Variants in PCMT1 observed in about 807,000 individuals in gnomAD.
PCMT1 encodes protein-L-isoaspartate (D-aspartate) O-methyltransferase.
Under a neutral mutation model 29.2 loss-of-function variants are expected in PCMT1, and 9 were observed. That is an observed-to-expected ratio of 0.31 (90% confidence interval 0.19 to 0.54). PCMT1 has a LOEUF of 0.54. Ranked by LOEUF, PCMT1 falls within the 20% of genes least tolerant of loss-of-function variation. PCMT1 has a pLI of 0.95. For missense variants in PCMT1, 184 were observed against 282.2 expected (o/e 0.65, Z 2.49); for synonymous variants, 98 against 97.5 (o/e 1.00, Z -0.03).
At chr6:149,759,090 T>C (rs939108990) in intron 1 of PCMT1, among the ~76,000 whole-genome samples, 4 of 152,174 alleles carry the variant, frequency 2.6e-5, no homozygotes, top group African/African-American at 9.7e-5. Context: ...TTGGCCAGGA[T>C]GGTCTCAATC....
At chr6:149,764,049 C>A (rs1308852515) in intron 1 of PCMT1, among the ~76,000 whole-genome samples, 1 of 152,182 alleles carries the variant, frequency 6.6e-6, no homozygotes, top group Non-Finnish European at 1.5e-5. Flanking sequence ...AAGTTAGACT[C>A]AATGGCTCCT....
At chr6:149,773,196 C>A in intron 3 of PCMT1, 27 bp downstream of exon 3, 2 of 1,559,228 alleles carry the variant, frequency 1.3e-6, no homozygotes, top group Non-Finnish European at 1.8e-6. Flanking sequence ...CACTTGGTTA[C>A]AAATGGATTA....
chr6:149,777,397 CAT>C (rs1178252337), intron 3 of PCMT1, among the ~76,000 whole-genome samples: 1 of 152,180 alleles, frequency 6.6e-6, no homozygotes, highest in Non-Finnish European at 1.5e-5. Context: ...GTCGAGAAAT[CAT>C]ATGTTGAACC....
chr6:149,773,150 C>G lies in PCMT1; in HGVS notation c.173C>G (p.Thr58Arg). The G allele has an allele frequency of 6.2e-7, 1 of 1,610,582 alleles. No individual in the cohort carries two copies. Among genetic ancestry groups the G allele is most frequent in the East Asian group, 2.2e-5 (1 of 44,802 alleles). The change falls in exon 3 of 8, where the codon ACA becomes AGA. Residue 58 changes from threonine (T) to arginine (R), a missense_variant. Transcript: ENST00000464889. ...DSPQSIGFQA[T>R]ISAPHMHAYA... is the part of the protein sequence containing the mutation. Reference sequence around the variant, plus strand: ...TCTTCTTTTGCAGGTTTCCAAGCAACAATCAGTGCTCCACACATGGTAAGT... The same window carrying G: ...TCTTCTTTTGCAGGTTTCCAAGCAAGAATCAGTGCTCCACACATGGTAAGT...
intron 4 of PCMT1, among the ~76,000 whole-genome samples, chr6:149,791,936 GCCTGTGTTCTAAGTGCTAC>G (rs1445242272): frequency 6.6e-6 from 1 of 152,160 alleles, no homozygotes; most frequent in African/African-American, 2.4e-5. Context: ...AAGCACTAGA[GCCTGTGTTCTAAGTGCTAC>G]CCCATTTTTA....
chr6:149,750,010 C>CG lies in PCMT1; in HGVS notation c.55+57dup, dbSNP rs1292038989. The CG allele has an allele frequency of 2.6e-6, 4 of 1,564,666 alleles. No individual in the cohort carries two copies. The African/African-American group carries it at 5.4e-5, about 21-fold the overall frequency. ...CAGCTGGGGCAGGCTGGGCCTGGAC[C>CG]GGGTCCCCCTGGGCCGTCCGGAACG... On this transcript the variant is annotated intron_variant, in intron 1 of 7. Coordinates refer to ENST00000464889, the MANE Select transcript of PCMT1 (RefSeq NM_001360452.2).
At chr6:149,755,348 G>T (rs1313811686) in intron 1 of PCMT1, among the ~76,000 whole-genome samples, 4 of 152,082 alleles carry the variant, frequency 2.6e-5, no homozygotes, top group African/African-American at 9.7e-5. Context: ...GATCACTTGA[G>T]CCCGAGAGGT....
intron 3 of PCMT1, among the ~76,000 whole-genome samples, chr6:149,787,170 C>G (rs191925755): frequency 2.7e-5 from 4 of 146,786 alleles, no homozygotes; most frequent in Non-Finnish European, 4.5e-5. Flanking sequence ...CGCAGGCACT[C>G]GGCAGGCTGA....
At chr6:149,784,991 G>A (rs992361637) in intron 3 of PCMT1, among the ~76,000 whole-genome samples, 10 of 151,764 alleles carry the variant, frequency 6.6e-5, no homozygotes, top group Non-Finnish European at 1.5e-4. Flanking sequence ...TCCACACAGA[G>A]TCTATACATT....
At chr6:149,797,776 A>G (rs1447291611) in intron 6 of PCMT1, 2 of 152,130 alleles carry the variant, frequency 1.3e-5, no homozygotes, top group Admixed American at 6.6e-5. Context: ...TAGATCAGTT[A>G]TGGGAAGATG....
At chr6:149,749,992 G>A in intron 1 of PCMT1, 36 bp downstream of exon 1, 1 of 1,588,712 alleles carries the variant, frequency 6.3e-7, no homozygotes, top group South Asian at 1.1e-5. Context: ...GGGCAGCTGG[G>A]GCAGGCTGGG....
chr6:149,786,493 G>T (rs1455214996), intron 3 of PCMT1, among the ~76,000 whole-genome samples: 1 of 138,014 alleles, frequency 7.2e-6, no homozygotes, highest in African/African-American at 3.0e-5. Context: ...TGGCTGCCAG[G>T]CGGAGGGGCT....
At chr6:149,785,833 C>G (rs535179798) in intron 3 of PCMT1, among the ~76,000 whole-genome samples, 1 of 152,320 alleles carries the variant, frequency 6.6e-6, no homozygotes, top group South Asian at 2.1e-4. Context: ...GGCAACCATC[C>G]GATTTCTCAA....
Position 149,802,379 on chromosome 6 carries a change from A to AT in PCMT1, c.*4dup, listed in dbSNP as rs1775864228. ...AAAAGCAGTGGTCCAGGTGGAAGTG[A>AT]TTTTATCTTCTGCTCTTTCTTCTTC... On this transcript the variant is annotated 3_prime_UTR_variant, in exon 7 of 8. Coordinates refer to ENST00000464889, the MANE Select transcript of PCMT1 (RefSeq NM_001360452.2). 4 of 1,601,866 alleles carry AT rather than the reference A, an allele frequency of 2.5e-6. No homozygotes were observed. In the South Asian group the frequency reaches 3.3e-5, roughly 13 times the overall value.
chr6:149,786,535 G>A (rs1315339809), intron 3 of PCMT1, among the ~76,000 whole-genome samples: 12 of 113,350 alleles, frequency 1.1e-4, no homozygotes, highest in African/African-American at 1.9e-4. Context: ...GCTGCCGGGC[G>A]GAGGGGCTCC....
intron 1 of PCMT1, among the ~76,000 whole-genome samples, chr6:149,752,926 T>C (rs1264317232): frequency 1.3e-5 from 2 of 152,208 alleles, no homozygotes; most frequent in African/African-American, 4.8e-5. Flanking sequence ...CTAAGGATGT[T>C]TTTCTGTCAG....
At chr6:149,791,068 A>G (rs1235316601) in intron 4 of PCMT1, among the ~76,000 whole-genome samples, 2 of 152,100 alleles carry the variant, frequency 1.3e-5, no homozygotes, top group Non-Finnish European at 2.9e-5. Flanking sequence ...TAGCCCCGAC[A>G]ACTCAGAATT....
chr6:149,802,945 C>G (rs947055221), intron 7 of PCMT1, among the ~76,000 whole-genome samples: 2 of 148,200 alleles, frequency 1.3e-5, no homozygotes, highest in Non-Finnish European at 3.0e-5. Context: ...CCCAGCTACT[C>G]GGGAGGCTGA....
intron 4 of PCMT1, among the ~76,000 whole-genome samples, chr6:149,790,666 A>G (rs143081341): frequency 5.7e-4 from 86 of 152,184 alleles, no homozygotes; most frequent in African/African-American, 2.0e-3. Flanking sequence ...ACAGAGCAGT[A>G]TAGCTGGTCA....
Sources: gnomAD v4.1 joint callset for allele counts (sites outside exome capture counted in the v4.1 genomes callset) on GRCh38, gnomAD v4.1.1 for gene constraint, MANE v1.5 for transcripts, NCBI Gene and HGNC (gene_info 2026-07-23, HGNC 2026-07-21) for gene names.